The following TMEM232 variants were observed in gnomAD, a reference collection of about 807,000 sequenced individuals.
TMEM232 encodes the protein transmembrane protein 232.
A neutral mutation model predicts 78.8 loss-of-function variants in TMEM232; 80 were observed. The observed-to-expected ratio is 1.01, with a 90% CI of 0.85 to 1.22. The LOEUF is 1.22. Ranked by LOEUF, TMEM232 falls within the 50% of genes most tolerant of loss-of-function variation. The pLI is 0.00. For missense variants in TMEM232, 881 were observed against 742.2 expected (o/e 1.19, Z -2.17); for synonymous variants, 297 against 254.3 (o/e 1.17, Z -1.60).
At chr5:110,433,621 A>C (rs1758092841) in intron 12 of TMEM232, among the ~76,000 whole-genome samples, 1 of 151,382 alleles carries the variant, frequency 6.6e-6, no homozygotes, top group Non-Finnish European at 1.5e-5. Flanking sequence ...TTTAGGATTT[A>C]TGTTTTAGGT....
intron 12 of TMEM232, among the ~76,000 whole-genome samples, chr5:110,524,904 T>A (rs2149516221): frequency 6.6e-6 from 1 of 152,256 alleles, no homozygotes; most frequent in Non-Finnish European, 1.5e-5. Flanking sequence ...GATCTCTGTT[T>A]TTTGCAATAC....
chr5:110,405,032 CAG>C (rs1380261650), intron 2 of TMEM232, among the ~76,000 whole-genome samples: 1 of 152,068 alleles, frequency 6.6e-6, no homozygotes, highest in East Asian at 1.9e-4. Context: ...AGCTGATAAA[CAG>C]AAAGAAATAA....
chr5:110,433,286 A>T (rs1278141236), intron 12 of TMEM232, among the ~76,000 whole-genome samples: 1 of 151,752 alleles, frequency 6.6e-6, no homozygotes, highest in Non-Finnish European at 1.5e-5. Context: ...TCCTTCTTGG[A>T]CCACAGTGGA....
At chr5:110,712,826 C>A (rs916811684) in intron 1 of TMEM232, among the ~76,000 whole-genome samples, 3 of 152,024 alleles carry the variant, frequency 2.0e-5, no homozygotes, top group African/African-American at 7.2e-5. Context: ...CAAATTAGTA[C>A]AACTACTATG....
Position 110,611,593 on chromosome 5 carries a change from G to A in TMEM232, c.903-5306C>T, listed in dbSNP as rs1782285224. Among the ~76,000 whole-genome samples, 2 of 152,184 alleles carry A rather than the reference G, an allele frequency of 1.3e-5. 1 individual carries two copies. The highest frequency in any genetic ancestry group is 2.9e-5 in the Non-Finnish European group (2 of 68,000). ...TTAATCCTACCAGCAGAATCTTTCA[G>A]TCATCATTTTTGTTTTTATTTTTTT... On this transcript the variant is annotated intron_variant, in intron 8 of 13. Coordinates refer to ENST00000455884, the MANE Select transcript of TMEM232 (RefSeq NM_001039763.4).
intron 8 of TMEM232, among the ~76,000 whole-genome samples, chr5:110,609,402 T>C (rs1781906074): frequency 6.6e-6 from 1 of 152,056 alleles, no homozygotes; most frequent in South Asian, 2.1e-4. Context: ...TTTTTAAAAA[T>C]AATAATCTCT....
chr5:110,666,491 T>TTA (rs1387125192), intron 2 of TMEM232, among the ~76,000 whole-genome samples: 8 of 152,164 alleles, frequency 5.3e-5, no homozygotes, highest in Non-Finnish European at 1.2e-4. Context: ...CTACATCCTA[T>TTA]TAGTAACAGG....
At chr5:110,517,443 G>T (rs764637268) in intron 12 of TMEM232, among the ~76,000 whole-genome samples, 7 of 152,156 alleles carry the variant, frequency 4.6e-5, no homozygotes, top group Non-Finnish European at 8.8e-5. Flanking sequence ...AAAAAAGCAG[G>T]TATAATCCAT....
chr5:110,426,795 C>T (rs1230898887), intron 12 of TMEM232, among the ~76,000 whole-genome samples: 1 of 151,960 alleles, frequency 6.6e-6, no homozygotes, highest in Non-Finnish European at 1.5e-5. Context: ...ATTGGTTTAA[C>T]TAAATTCATT....
intron 2 of TMEM232, among the ~76,000 whole-genome samples, chr5:110,651,209 A>G (rs562218512): frequency 1.1e-4 from 16 of 152,142 alleles, no homozygotes; most frequent in Non-Finnish European, 2.2e-4. Context: ...CATCCAATAA[A>G]CAAGAACACC....
intron 2 of TMEM232, among the ~76,000 whole-genome samples, chr5:110,654,441 T>G (rs1482481782): frequency 6.6e-6 from 1 of 152,228 alleles, no homozygotes. Flanking sequence ...CTCAGGTTTG[T>G]CAAAGATCAG....
chr5:110,497,650 T>G (rs922579715), intron 12 of TMEM232, among the ~76,000 whole-genome samples: 10 of 152,196 alleles, frequency 6.6e-5, no homozygotes, highest in Non-Finnish European at 1.5e-4. Flanking sequence ...CTAGTGAGGT[T>G]GACCCTTGAT....
chr5:110,391,326 T>TGTGTGAGA (rs549361387), intron 3 of TMEM232, among the ~76,000 whole-genome samples: 4,021 of 139,694 alleles, frequency 0.029, 152 homozygotes, highest in East Asian at 0.17. Context: ...TGTGTGTGTG[T>TGTGTGAGA]GAGAGAGAGA....
chr5:110,610,722 CTCA>C lies in TMEM232; in HGVS notation c.903-4438_903-4436del, dbSNP rs758201344. On this transcript the variant is annotated intron_variant, in intron 8 of 13. Coordinates refer to ENST00000455884, the MANE Select transcript of TMEM232 (RefSeq NM_001039763.4). Reference sequence around the variant, plus strand: ...CAAGAGGACTGACGACTTCGAACATCTCATCATAACTGTGTTAGGAAACAACAT... The same window carrying C: ...CAAGAGGACTGACGACTTCGAACATCTCATAACTGTGTTAGGAAACAACAT... 14 of 320,772 alleles carry C rather than the reference CTCA, an allele frequency of 4.4e-5. 1 individual carries two copies. Among genetic ancestry groups the C allele is most frequent in the East Asian group, 2.4e-4 (3 of 12,518 alleles). 19.9% of individuals were successfully genotyped at this position (320,772 alleles called of 1,614,324 possible).
Position 110,606,204 on chromosome 5 carries a change from A to C in TMEM232, c.986T>G (p.Val329Gly). The C allele has an allele frequency of 6.5e-7, 1 of 1,548,732 alleles. No individual in the cohort carries two copies. Among genetic ancestry groups the C allele is most frequent in the Non-Finnish European group, 8.7e-7 (1 of 1,144,996 alleles). The change falls in exon 9 of 14, where the codon GTG becomes GGG. Residue 329 changes from valine (V) to glycine (G), a missense_variant. Transcript: ENST00000455884. ...CATAATGCTTGAAACAAAATCTCTC[A>C]CTACGTCCATTAAAGCTTTCAAGCA... ...MACLKALMDV[V>G]RDFVSSIMSV... is the part of the protein sequence containing the mutation.
At chr5:110,500,482 G>C (rs1402129955) in intron 12 of TMEM232, among the ~76,000 whole-genome samples, 1 of 151,816 alleles carries the variant, frequency 6.6e-6, no homozygotes, top group East Asian at 1.9e-4. Context: ...AAACTACAAA[G>C]AAAATTAAAT....
chr5:110,652,920 AT>A (rs920164161), intron 2 of TMEM232, among the ~76,000 whole-genome samples: 26 of 152,214 alleles, frequency 1.7e-4, no homozygotes, highest in Non-Finnish European at 1.5e-5. Context: ...AATTTTATTT[AT>A]AAAATATTTA....
intron 1 of TMEM232, among the ~76,000 whole-genome samples, chr5:110,703,787 C>T (rs1249273739): frequency 6.6e-6 from 1 of 151,974 alleles, no homozygotes; most frequent in Admixed American, 6.6e-5. Context: ...GCCCATTTTC[C>T]AATATTTTTA....
chr5:110,503,894 G>A (rs1056620489), intron 12 of TMEM232, among the ~76,000 whole-genome samples: 1 of 152,136 alleles, frequency 6.6e-6, no homozygotes, highest in Non-Finnish European at 1.5e-5. Context: ...TGACTTTTCT[G>A]TCCCCAAGGA....
Sources: gnomAD v4.1 joint callset for allele counts (sites outside exome capture counted in the v4.1 genomes callset) on GRCh38, gnomAD v4.1.1 for gene constraint, MANE v1.5 for transcripts, NCBI Gene and HGNC (gene_info 2026-07-23, HGNC 2026-07-21) for gene names.